CEP104: variants seen among roughly 807,000 people sequenced by gnomAD.
CEP104 encodes centrosomal protein of 104 kDa.
A neutral mutation model predicts 113.3 loss-of-function variants in CEP104; 84 were observed. The ratio of observed to expected loss-of-function variants is 0.74; its 90% CI spans 0.62 to 0.89. The LOEUF (loss-of-function observed/expected upper bound fraction) is 0.89. Ranked by LOEUF, CEP104 falls within the 40% of genes least tolerant of loss-of-function variation. The pLI is 0.00. For synonymous variants in CEP104, 378 were observed against 421.7 expected (o/e 0.90, Z 1.27); for missense variants, 1,053 against 1,156.6 (o/e 0.91, Z 1.30).
intron 15 of CEP104, 140 bp from the exon 16 acceptor site, chr1:3,826,884 T>A: frequency 1.2e-6 from 1 of 865,200 alleles, no homozygotes. Flanking sequence ...AGGTGGCTCA[T>A]GCCCGTAATC....
chr1:3,856,646 G>A (rs1006501267), intron 1 of CEP104, among the ~76,000 whole-genome samples: 1 of 152,218 alleles, frequency 6.6e-6, no homozygotes, highest in African/African-American at 2.4e-5. Context: ...CGTCCCGGCC[G>A]GGGCAGGCGG....
intron 1 of CEP104, among the ~76,000 whole-genome samples, chr1:3,854,440 A>G (rs1213101235): frequency 1.3e-5 from 2 of 152,010 alleles, no homozygotes; most frequent in Non-Finnish European, 1.5e-5. Context: ...AATACCCTTC[A>G]GCTCTGAAGC....
At chr1:3,838,925 C>G in intron 8 of CEP104, 39 bp downstream of exon 8, 1 of 1,610,272 alleles carries the variant, frequency 6.2e-7, no homozygotes, top group Middle Eastern at 1.7e-4. Flanking sequence ...CTCTGTTCTC[C>G]TAGGCTTTCC....
chr1:3,837,822 A>T (rs1348423543), intron 8 of CEP104, among the ~76,000 whole-genome samples: 2 of 152,260 alleles, frequency 1.3e-5, no homozygotes, highest in African/African-American at 2.4e-5. Context: ...GTCCACACAT[A>T]TGTGCCCCTG....
At chr1:3,834,839 C>T in intron 11 of CEP104, 86 bp downstream of exon 11, 1 of 1,274,504 alleles carries the variant, frequency 7.8e-7, no homozygotes, top group Non-Finnish European at 1.1e-6. Context: ...CCAACTGGTC[C>T]TCTCTCAAGC....
At chr1:3,816,852 G>A (rs2124631671) in intron 20 of CEP104, among the ~76,000 whole-genome samples, 1 of 152,390 alleles carries the variant, frequency 6.6e-6, no homozygotes, top group South Asian at 2.1e-4. Flanking sequence ...CCTGCAGAAT[G>A]TGGGGCTTAT....
intron 11 of CEP104, among the ~76,000 whole-genome samples, 200 bp from the exon 12 acceptor site, chr1:3,834,235 T>C (rs536483921): frequency 6.6e-6 from 1 of 152,388 alleles, no homozygotes; most frequent in Admixed American, 6.5e-5. Context: ...TACTTCACTC[T>C]GTCAGAAATC....
chr1:3,815,481 C>T lies in CEP104; in HGVS notation c.2699G>A (p.Gly900Glu). The T allele has an allele frequency of 6.2e-7, 1 of 1,612,058 alleles. No homozygotes were observed. The highest frequency in any genetic ancestry group is 8.5e-7 in the Non-Finnish European group (1 of 1,179,248). The change falls in exon 22 of 22, where the codon GGG becomes GAG. Residue 900 changes from glycine to glutamate, a missense_variant. Coordinates refer to ENST00000378230, the MANE Select transcript of CEP104 (RefSeq NM_014704.4). ...SSAVAASGPLGSKAGSKIPTP... is the reference protein window; with the variant it reads ...SSAVAASGPLESKAGSKIPTP... ...GGGGATCTTGCTTCCGGCCTTTGAC[C>T]CCAAGGGGCCTGATGCGGCCACAGC... is the stretch of plus-strand genomic sequence containing the variant.
intron 14 of CEP104, 24 bp from the exon 15 acceptor site, chr1:3,829,397 T>C (rs897593384): frequency 1.0e-5 from 16 of 1,561,546 alleles, no homozygotes; most frequent in Non-Finnish European, 1.1e-5. Flanking sequence ...TATTTTTCCA[T>C]TAGAACAGCT....
chr1:3,826,800 G>T, intron 15 of CEP104, 56 bp from the exon 16 acceptor site: 1 of 1,510,416 alleles, frequency 6.6e-7, no homozygotes, highest in Non-Finnish European at 9.2e-7. Flanking sequence ...GAGTGAGTGA[G>T]AGCCTGTTGA....
intron 20 of CEP104, among the ~76,000 whole-genome samples, chr1:3,820,276 G>A (rs1366329308): frequency 6.6e-6 from 1 of 152,182 alleles, no homozygotes; most frequent in Non-Finnish European, 1.5e-5. Flanking sequence ...GGAAACCAAT[G>A]GCAATAACTG....
chr1:3,827,467 G>T (rs1046169211), intron 15 of CEP104, among the ~76,000 whole-genome samples: 4 of 152,106 alleles, frequency 2.6e-5, no homozygotes, highest in African/African-American at 9.7e-5. Flanking sequence ...TGATCCTCCT[G>T]CCTCGGCCTC....
At chr1:3,845,107 G>A (rs1055298205) in intron 5 of CEP104, 124 bp from the exon 6 acceptor site, 1 of 925,190 alleles carries the variant, frequency 1.1e-6, no homozygotes, top group Admixed American at 2.2e-5. Flanking sequence ...CTTTTGGAGA[G>A]ACAGCTAAAA....
intron 12 of CEP104, among the ~76,000 whole-genome samples, chr1:3,833,441 T>C (rs1644254175): frequency 6.6e-6 from 1 of 152,218 alleles, no homozygotes; most frequent in East Asian, 1.9e-4. Flanking sequence ...GGTGCATAAC[T>C]GTGTGCCCCA....
rs148840465 is a variant in CEP104, at chr1:3,823,181, C to T, written c.2564G>A (p.Gly855Glu). 1.3e-4 allele frequency: 203 copies of T among 1,614,162 alleles called. No individual in the cohort carries two copies. In the East Asian group the frequency reaches 4.3e-3, roughly 34 times the overall value. Residue 855 changes from glycine to glutamate, a missense_variant, in exon 20 of 22, where the codon GGA (glycine) becomes GAA (glutamate). By Grantham distance (98) the Gly-to-Glu change is moderately conservative. Coordinates refer to ENST00000378230, the MANE Select transcript of CEP104 (RefSeq NM_014704.4). The surrounding 1 kb of genome is among the most constrained non-coding windows in gnomAD (Gnocchi z 4.1). ...TCTCCCCAGGCCCCTCACCTCTTCT[C>T]CAGGGCTGAAGTTCTCATGACACAG... is the stretch of plus-strand genomic sequence containing the variant. ...CPLCHENFSP[G>E]EEAWKAHLMG...
chr1:3,829,486 G>A (rs1644157291), intron 14 of CEP104, 113 bp from the exon 15 acceptor site: 1 of 748,954 alleles, frequency 1.3e-6, no homozygotes, highest in African/African-American at 1.8e-5. Context: ...TATTCACTAA[G>A]ACTAATAACA....
chr1:3,842,232 A>T (rs1644426518), intron 6 of CEP104, among the ~76,000 whole-genome samples: 1 of 152,166 alleles, frequency 6.6e-6, no homozygotes, highest in Admixed American at 6.5e-5. Flanking sequence ...GGTGCCCGCC[A>T]CCACGCCCGG....
intron 13 of CEP104, 41 bp downstream of exon 13, chr1:3,831,005 G>T: frequency 6.3e-7 from 1 of 1,586,176 alleles, no homozygotes; most frequent in Non-Finnish European, 8.6e-7. Context: ...ACTGTGGTGA[G>T]TGCTGGGCCG....
chr1:3,822,148 G>A (rs57403742), intron 20 of CEP104, among the ~76,000 whole-genome samples: 5,507 of 152,152 alleles, frequency 0.036, 363 homozygotes, highest in African/African-American at 0.13. Context: ...CTCAGTGACC[G>A]TGACAAGGGA....
Sources: gnomAD v4.1 joint callset for allele counts (sites outside exome capture counted in the v4.1 genomes callset) on GRCh38, gnomAD v4.1.1 for gene constraint, Gnocchi (gnomAD v3.1) non-coding constraint, MANE v1.5 for transcripts, NCBI Gene and HGNC (gene_info 2026-07-23, HGNC 2026-07-21) for gene names.